Variants in ART4 observed in about 807,000 individuals in gnomAD.
ART4 encodes ecto-ADP-ribosyltransferase 4.
A neutral mutation model predicts 24.2 loss-of-function variants in ART4; 14 were observed. The ratio of observed to expected loss-of-function variants is 0.58; its 90% CI spans 0.38 to 0.90. The LOEUF (loss-of-function observed/expected upper bound fraction) is 0.90. Among genes scored for constraint, ART4 ranks in the 40% least tolerant of loss-of-function variants. The pLI is 0.00. For synonymous variants in ART4, 145 were observed against 139.9 expected (o/e 1.04, Z -0.26); for missense variants, 356 against 366.6 (o/e 0.97, Z 0.24).
At position 14,843,106 on chromosome 12, in the gene ART4, G is replaced by C. The variant is rs200975620; in HGVS notation, c.8C>G (p.Pro3Arg). The change falls in exon 1 of 3, where the codon CCA (proline) becomes CGA (arginine). Residue 3 changes from proline to arginine, a missense_variant. Physicochemically the swap from Pro to Arg is moderately radical, Grantham distance 103. Coordinates refer to ENST00000228936, the MANE Select transcript of ART4 (RefSeq NM_021071.4). ...AATCTTCTTGCATCTGTTGATCAAT[G>C]GACCCATTTGCTTGTGTCACAAGTA... MG[P>R]LINRCKKILL... is the part of the protein sequence containing the mutation. 9.2e-4 allele frequency: 1,487 copies of C among 1,614,072 alleles called. 9 individuals carry two copies. Among genetic ancestry groups the C allele is most frequent in the Non-Finnish European group, 4.1e-4 (483 of 1,179,964 alleles).
At chr12:14,830,119 A>AGTGTGTGTGTGTGTGTGT (rs113436435) in intron 2 of ART4, among the ~76,000 whole-genome samples, 8 of 145,620 alleles carry the variant, frequency 5.5e-5, no homozygotes, top group Admixed American at 4.1e-4. Context: ...TCCTGTTTGG[A>AGTGTGTGTGTGTGTGTGT]GTGTGTGTGT....
At chr12:14,835,875 T>C (rs1366013257) in intron 2 of ART4, among the ~76,000 whole-genome samples, 1 of 152,132 alleles carries the variant, frequency 6.6e-6, no homozygotes, top group Non-Finnish European at 1.5e-5. Flanking sequence ...AGTGCTGAGA[T>C]TATAGGTGTG....
chr12:14,842,707 A>G (rs1461568849), intron 1 of ART4, among the ~76,000 whole-genome samples: 1 of 152,244 alleles, frequency 6.6e-6, no homozygotes, highest in Non-Finnish European at 1.5e-5. Flanking sequence ...CTATGGAAGC[A>G]ATATTTTACT....
At chr12:14,842,308 C>T (rs1408917773) in intron 1 of ART4, among the ~76,000 whole-genome samples, 1 of 152,154 alleles carries the variant, frequency 6.6e-6, no homozygotes, top group African/African-American at 2.4e-5. Context: ...GGAACTGGAA[C>T]TTAAAGAACA....
At position 14,840,443 on chromosome 12, in the gene ART4, AC is replaced by A; in HGVS notation, c.853+1del. 6.3e-7 allele frequency: 1 copy of A among 1,593,550 alleles called. No individual in the cohort carries two copies. The highest frequency in any genetic ancestry group is 8.5e-7 in the Non-Finnish European group (1 of 1,172,636). ...AGTGGCCTCAATTTAGATAAAGAAT[AC>A]CTTTTAGCAGCTGACAGTTATATGT... On this transcript the variant is annotated splice_donor_variant, in intron 2 of 2. Transcript: ENST00000228936. LOFTEE classifies it high-confidence loss of function.
At chr12:14,841,269 G>T in intron 1 of ART4, 116 bp from the exon 2 acceptor site, 9 of 876,228 alleles carry the variant, frequency 1.0e-5, no homozygotes, top group Non-Finnish European at 1.4e-5. Flanking sequence ...ATTTACTGAA[G>T]TAAGTTACAC....
intron 2 of ART4, among the ~76,000 whole-genome samples, chr12:14,837,145 G>A (rs71583820): frequency 6.6e-5 from 10 of 152,206 alleles, no homozygotes; most frequent in Middle Eastern, 3.4e-3. Flanking sequence ...TTATTCTGCC[G>A]TTTACAAGCT....
At chr12:14,831,303 T>C (rs1320202515) in intron 2 of ART4, among the ~76,000 whole-genome samples, 1 of 149,708 alleles carries the variant, frequency 6.7e-6, no homozygotes, top group Non-Finnish European at 1.5e-5. Context: ...TGGGTCTTGC[T>C]CTGTCACCCA....
rs182152717 is a variant in ART4 at position 14,832,524 on chromosome 12, G to A, written c.854-3062C>T. 2.7e-3 allele frequency among the ~76,000 whole-genome samples: 417 copies of A among 152,134 alleles called. 1 individual carries two copies. Among genetic ancestry groups the A allele is most frequent in the African/African-American group, 9.5e-3 (395 of 41,504 alleles). On this transcript the variant is annotated intron_variant, in intron 2 of 2. Transcript: ENST00000228936. ...TTAGTATGTACCACCTACTAACTAC[G>A]ACATAATTTACTTATTTATTTTGTT...
At chr12:14,835,889 C>T (rs1433287919) in intron 2 of ART4, among the ~76,000 whole-genome samples, 1 of 152,058 alleles carries the variant, frequency 6.6e-6, no homozygotes, top group Admixed American at 6.6e-5. Flanking sequence ...AGGTGTGAGC[C>T]ACTGCACCTG....
Position 14,829,292 on chromosome 12 carries a change from GT to G in ART4, c.*78del. 1.0e-6 allele frequency: 1 copy of G among 980,214 alleles called. No individual in the cohort carries two copies. Among genetic ancestry groups the G allele is most frequent in the East Asian group, 2.9e-5 (1 of 34,952 alleles). The allele number at this position is 980,214 out of a possible 1,614,324, so 60.7% of individuals were successfully genotyped here. On this transcript the variant is annotated 3_prime_UTR_variant, in exon 3 of 3. Coordinates refer to ENST00000228936, the MANE Select transcript of ART4 (RefSeq NM_021071.4). Reference sequence around the variant, plus strand: ...GGATCATCCTTCCTGGAAAATAAATGTCCATTTCTAGCCAAAAGGCCAATAA... The same window carrying G: ...GGATCATCCTTCCTGGAAAATAAATGCCATTTCTAGCCAAAAGGCCAATAA...
chr12:14,843,432 A>C lies in ART4; in HGVS notation c.-319T>G, dbSNP rs1863088907. On this transcript the variant is annotated 5_prime_UTR_variant, in exon 1 of 3. Transcript: ENST00000228936. ...CTAGTCTGTATTCAGGGGAATGCCG[A>C]AGTCCTGTTAAGTGTCAGACTCAGC... 1 of 205,922 alleles carries C rather than the reference A, an allele frequency of 4.9e-6. No individual in the cohort carries two copies. Among genetic ancestry groups the C allele is most frequent in the Admixed American group, 5.3e-5 (1 of 18,854 alleles). The allele number at this position is 205,922 out of a possible 1,614,324, so 12.8% of individuals were successfully genotyped here. A position where few individuals can be genotyped will look rare whatever the true frequency, so the allele number is the denominator to read the frequency against.
chr12:14,841,869 C>T (rs1360018605), intron 1 of ART4, among the ~76,000 whole-genome samples: 1 of 152,148 alleles, frequency 6.6e-6, no homozygotes, highest in Non-Finnish European at 1.5e-5. Flanking sequence ...AGAACTGATG[C>T]CCTTTGCCAT....
At position 14,840,508 on chromosome 12, in the gene ART4, C is replaced by T. The variant is rs1201103453; in HGVS notation, c.790G>A (p.Gly264Arg). The change falls in exon 2 of 3, where the codon GGA becomes AGA. Residue 264 changes from glycine to arginine, a missense_variant. Gly to Arg is a moderately radical substitution (Grantham distance 125). Transcript: ENST00000228936. ...KVINMSYHPRGDWLQLRSTGN... is the reference protein window; with the variant it reads ...KVINMSYHPRRDWLQLRSTGN... Reference sequence around the variant, plus strand: ...GTTGACCTCAACTGCAACCAGTCTCCTCTTGGGTGGTAGCTCATATTTATA... The same window carrying T: ...GTTGACCTCAACTGCAACCAGTCTCTTCTTGGGTGGTAGCTCATATTTATA... 6.2e-7 allele frequency: 1 copy of T among 1,614,118 alleles called. No homozygotes were observed. Among genetic ancestry groups the T allele is most frequent in the Non-Finnish European group, 8.5e-7 (1 of 1,180,012 alleles).
rs1385276963 is a variant in ART4 at position 14,826,859 on chromosome 12, CT to C, written c.*2511del. The C allele has an allele frequency of 2.0e-5, 3 of 152,182 alleles. No homozygotes were observed. Among genetic ancestry groups the C allele is most frequent in the Non-Finnish European group, 1.5e-5 (1 of 68,040 alleles). The allele number at this position is 152,182 out of a possible 1,614,324, so 9.4% of individuals were successfully genotyped here. On this transcript the variant is annotated 3_prime_UTR_variant, in exon 3 of 3. Coordinates refer to ENST00000228936, the MANE Select transcript of ART4 (RefSeq NM_021071.4). ...CAGCTCCAAGCATTTAATATTTGGC[CT>C]TGTTTTGGGCACTACGCACTTGGCA...
Position 14,825,962 on chromosome 12 carries a change from G to A in ART4, c.*3409C>T, listed in dbSNP as rs980785849. ...GTACACATCAAAAGGAGACATACAT[G>A]TATTTGTTTAATAAAATTACTATAG... On this transcript the variant is annotated 3_prime_UTR_variant, in exon 3 of 3. Coordinates refer to ENST00000228936, the MANE Select transcript of ART4 (RefSeq NM_021071.4). The A allele has an allele frequency of 1.1e-4, 17 of 152,114 alleles. No individual in the cohort carries two copies. The highest frequency in any genetic ancestry group is 4.1e-4 in the African/African-American group (17 of 41,410). The allele number at this position is 152,114 out of a possible 1,614,324, so 9.4% of individuals were successfully genotyped here. A position where few individuals can be genotyped will look rare whatever the true frequency, so the allele number is the denominator to read the frequency against.
rs1230581667 is a variant in ART4 at position 14,828,906 on chromosome 12, T to G, written c.*465A>C. 1 of 152,412 alleles carries G rather than the reference T, an allele frequency of 6.6e-6. No individual in the cohort carries two copies. The highest frequency in any genetic ancestry group is 2.4e-5 in the African/African-American group (1 of 41,456). The allele number at this position is 152,412 out of a possible 1,614,324, so 9.4% of individuals were successfully genotyped here. On this transcript the variant is annotated 3_prime_UTR_variant, in exon 3 of 3. Transcript: ENST00000228936. Reference sequence around the variant, plus strand: ...GTGGCGGGATCTTTGCTGGCAGCTATAAGCTCCTACCCTGCTTTCATTAAT... The same window carrying G: ...GTGGCGGGATCTTTGCTGGCAGCTAGAAGCTCCTACCCTGCTTTCATTAAT...
chr12:14,839,332 GC>G (rs1950450880), intron 2 of ART4, among the ~76,000 whole-genome samples: 1 of 152,088 alleles, frequency 6.6e-6, no homozygotes, highest in Admixed American at 6.5e-5. Context: ...AAGACACCAG[GC>G]TGTTTGAAAT....
intron 2 of ART4, among the ~76,000 whole-genome samples, chr12:14,831,405 T>A (rs1319262661): frequency 6.6e-6 from 1 of 150,578 alleles, no homozygotes; most frequent in Non-Finnish European, 1.5e-5. Context: ...GGTCTACAGG[T>A]GCACACCACC....
Sources: allele counts gnomAD v4.1 joint callset (sites outside exome capture counted in the v4.1 genomes callset), GRCh38; gene constraint gnomAD v4.1.1; transcripts MANE v1.5; gene names NCBI Gene and HGNC (gene_info 2026-07-23, HGNC 2026-07-21).